Variants in ASH1L observed in about 807,000 individuals in gnomAD.
ASH1L encodes ASH1 like histone lysine methyltransferase.
Under a neutral mutation model 269.0 loss-of-function variants are expected in ASH1L, and 23 were observed. The ratio of observed to expected loss-of-function variants is 0.09; its 90% CI spans 0.06 to 0.12. The LOEUF (loss-of-function observed/expected upper bound fraction) is 0.12. ASH1L is among the 10% of genes least tolerant of loss of function. The pLI is 1.00. For synonymous variants in ASH1L, 1,187 were observed against 1,253.5 expected, an observed-to-expected ratio of 0.95 and a Z score of 1.12; for missense variants, 2,912 against 3,567.8, an observed-to-expected ratio of 0.82 and a Z score of 4.68.
intron 12 of ASH1L, among the ~76,000 whole-genome samples, chr1:155,363,682 C>T (rs1281691226): frequency 2.0e-5 from 3 of 151,544 alleles, no homozygotes; most frequent in South Asian, 2.1e-4. Context: ...TTTTTTGAGA[C>T]AGAGTCTTGA....
intron 2 of ASH1L, among the ~76,000 whole-genome samples, chr1:155,500,478 T>C (rs112667442): frequency 0.011 from 1,623 of 152,176 alleles, 39 homozygotes; most frequent in African/African-American, 0.038. Context: ...CTTGCTTGAA[T>C]AGCATTTGTC....
chr1:155,415,127 T>C (rs1284977596), intron 6 of ASH1L, among the ~76,000 whole-genome samples: 1 of 152,012 alleles, frequency 6.6e-6, no homozygotes, highest in Non-Finnish European at 1.5e-5. Context: ...TTCACGCCTG[T>C]AATCCCAGCA....
rs568541414 is a variant in ASH1L at position 155,532,736 on chromosome 1, T to G, written c.-99-11118A>C. Among the ~76,000 whole-genome samples, 5 of 150,184 alleles carry G rather than the reference T, an allele frequency of 3.3e-5. No individual in the cohort carries two copies. In the East Asian group the frequency reaches 9.8e-4, roughly 29 times the overall value. On this transcript the variant is annotated intron_variant, in intron 1 of 27. Transcript: ENST00000392403. ...TACTCAGGAGGCTGAGGCAGAAGAA[T>G]CACTTGAACCCAGGAGGCACAGGTT... is the stretch of plus-strand genomic sequence containing the variant.
intron 2 of ASH1L, among the ~76,000 whole-genome samples, chr1:155,484,058 G>A (rs6665780): frequency 3.3e-5 from 5 of 152,168 alleles, no homozygotes; most frequent in African/African-American, 1.2e-4. Flanking sequence ...CGAAAATAGT[G>A]ACTTATGGGA....
chr1:155,537,077 A>G (rs962244188), intron 1 of ASH1L, among the ~76,000 whole-genome samples: 1 of 152,004 alleles, frequency 6.6e-6, no homozygotes, highest in East Asian at 1.9e-4. Flanking sequence ...AAAGAAATTC[A>G]ACACAGAAAG....
chr1:155,436,282 C>G (rs1006802405), intron 5 of ASH1L, among the ~76,000 whole-genome samples: 11 of 151,572 alleles, frequency 7.3e-5, no homozygotes, highest in Admixed American at 2.6e-4. Context: ...CTCTCCACCT[C>G]CCGTGTTCAA....
At chr1:155,349,630 C>T (rs752131680) in intron 17 of ASH1L, 34 bp from the exon 18 acceptor site, 2 of 1,605,430 alleles carry the variant, frequency 1.2e-6, no homozygotes, top group Non-Finnish European at 1.7e-6. Context: ...TAGAAAGATT[C>T]CACCATACAA....
intron 2 of ASH1L, among the ~76,000 whole-genome samples, chr1:155,486,761 A>C (rs748233657): frequency 6.6e-6 from 1 of 152,196 alleles, no homozygotes; most frequent in Non-Finnish European, 1.5e-5. Flanking sequence ...AAATATTTTT[A>C]AACATATTTA....
rs1475236460 is a variant in ASH1L, at chr1:155,336,801, A to G, written c.*859T>C. ...ACTTTTGTTGCAGGGGTGGGTTTAG[A>G]GTTCTTTTTATGTAGGTTTTTAAAT... On this transcript the variant is annotated 3_prime_UTR_variant, in exon 28 of 28. Transcript: ENST00000392403. 1 of 152,300 alleles carries G rather than the reference A, an allele frequency of 6.6e-6. No individual in the cohort carries two copies. The highest frequency in any genetic ancestry group is 2.4e-5 in the African/African-American group (1 of 41,436). The allele number at this position is 152,300 out of a possible 1,614,324, so 9.4% of individuals were successfully genotyped here. A position where few individuals can be genotyped will look rare whatever the true frequency, so the allele number is the denominator to read the frequency against.
At chr1:155,490,954 T>A (rs1666732641) in intron 2 of ASH1L, among the ~76,000 whole-genome samples, 2 of 96,408 alleles carry the variant, frequency 2.1e-5, no homozygotes, top group African/African-American at 8.2e-5. Context: ...GGAGACAGGG[T>A]GAGACCCTGA....
intron 3 of ASH1L, among the ~76,000 whole-genome samples, chr1:155,471,290 G>C (rs145001862): frequency 8.9e-4 from 136 of 152,350 alleles, no homozygotes; most frequent in African/African-American, 3.1e-3. Context: ...AATTACCCAA[G>C]TGACAGGAAT....
At chr1:155,402,691 G>T (rs778409788) in intron 6 of ASH1L, among the ~76,000 whole-genome samples, 10 of 151,952 alleles carry the variant, frequency 6.6e-5, no homozygotes, top group Non-Finnish European at 1.3e-4. Flanking sequence ...AGGACTACAG[G>T]TCTGTGTGCC....
chr1:155,370,825 T>C lies in ASH1L; in HGVS notation c.6491A>G (p.Gln2164Arg). The C allele has an allele frequency of 6.2e-7, 1 of 1,614,228 alleles. No individual in the cohort carries two copies. The highest frequency in any genetic ancestry group is 8.5e-7 in the Non-Finnish European group (1 of 1,180,042). The change falls in exon 11 of 28, where the codon CAG (glutamine) becomes CGG (arginine). Residue 2164 changes from glutamine to arginine, a missense_variant. Coordinates refer to ENST00000392403, the MANE Select transcript of ASH1L (RefSeq NM_018489.3). ...IRTKEPLKAGQFIIEYLGEVV... is the reference protein window; with the variant it reads ...IRTKEPLKAGRFIIEYLGEVV... ...CTCCCCTAGGTATTCAATGATGAAC[T>C]GCCCAGCTTTTAGGGGCTCTTTGGT... is the stretch of plus-strand genomic sequence containing the variant.
Position 155,479,376 on chromosome 1 carries a change from G to A in ASH1L, c.3494C>T (p.Thr1165Ile). 3.1e-6 allele frequency: 5 copies of A among 1,614,158 alleles called. No individual in the cohort carries two copies. The highest frequency in any genetic ancestry group is 4.2e-6 in the Non-Finnish European group (5 of 1,180,022). Residue 1165 changes from threonine (T) to isoleucine (I), a missense_variant, in exon 3 of 28, where the codon ACT becomes ATT. Around this residue, in one of 13 missense-constraint regions of ASH1L, gnomAD observed 157 missense variants for 154.6 expected, o/e 1.02. Coordinates refer to ENST00000392403, the MANE Select transcript of ASH1L (RefSeq NM_018489.3). ...SKGRRRLSPPTLLPNSPSHLS... is the reference protein window; with the variant it reads ...SKGRRRLSPPILLPNSPSHLS... Reference sequence around the variant, plus strand: ...GTGCGAAGGAGAATTTGGCAACAAAGTAGGAGGAGATAACCGCCTCCTCCC... The same window carrying A: ...GTGCGAAGGAGAATTTGGCAACAAAATAGGAGGAGATAACCGCCTCCTCCC...
chr1:155,482,462 C>A lies in ASH1L; in HGVS notation c.421-13G>T, dbSNP rs1362815870. ...ACTTTGAAGGGTCCTAAAATTTGAACAAGAAAAAAGTTAAAGAGGGAGTAA... is the reference window on the plus strand; with the variant it reads ...ACTTTGAAGGGTCCTAAAATTTGAAAAAGAAAAAAGTTAAAGAGGGAGTAA... On this transcript the variant is annotated splice_polypyrimidine_tract_variant and intron_variant, in intron 2 of 27. Transcript: ENST00000392403. 6.3e-7 allele frequency: 1 copy of A among 1,586,098 alleles called. No individual in the cohort carries two copies. The highest frequency in any genetic ancestry group is 1.2e-5 in the South Asian group (1 of 86,432).
intron 4 of ASH1L, among the ~76,000 whole-genome samples, chr1:155,454,768 AAAATAATAAATAAATAAATAAAT>A (rs1424372366): frequency 6.6e-6 from 1 of 151,328 alleles, no homozygotes; most frequent in East Asian, 1.9e-4. Flanking sequence ...GACTCTGTCA[AAAATAATAAATAAATAAATAAAT>A]AAATTTATGT....
At chr1:155,408,598 G>A (rs1659505481) in intron 6 of ASH1L, among the ~76,000 whole-genome samples, 1 of 152,152 alleles carries the variant, frequency 6.6e-6, no homozygotes, top group Non-Finnish European at 1.5e-5. Flanking sequence ...GCAGAAAGCA[G>A]GGAAGTGCTC....
rs1328712838 is a variant in ASH1L, at chr1:155,335,687, A to G, written c.*1973T>C. 1 of 152,378 alleles carries G rather than the reference A, an allele frequency of 6.6e-6. No homozygotes were observed. The highest frequency in any genetic ancestry group is 1.5e-5 in the Non-Finnish European group (1 of 67,820). The allele number at this position is 152,378 out of a possible 1,614,324, so 9.4% of individuals were successfully genotyped here. On this transcript the variant is annotated 3_prime_UTR_variant, in exon 28 of 28. Coordinates refer to ENST00000392403, the MANE Select transcript of ASH1L (RefSeq NM_018489.3). ...CTAAAAAACATTTCAGTTTTTTTTT[A>G]GTCTTTCAACAAAAGAAAGATAAAA...
At chr1:155,526,016 T>C (rs1378025960) in intron 1 of ASH1L, among the ~76,000 whole-genome samples, 1 of 152,136 alleles carries the variant, frequency 6.6e-6, no homozygotes, top group Non-Finnish European at 1.5e-5. Context: ...TATTATTGTA[T>C]TGTTATTTTT....
Sources: allele counts gnomAD v4.1 joint callset (sites outside exome capture counted in the v4.1 genomes callset), GRCh38; gene constraint gnomAD v4.1.1; regional missense constraint gnomAD v4.1.1; transcripts MANE v1.5; gene names NCBI Gene and HGNC (gene_info 2026-07-23, HGNC 2026-07-21).